Variants in MYT1L observed in about 807,000 individuals in gnomAD.
MYT1L encodes the protein myelin transcription factor 1 like.
In MYT1L, 12 loss-of-function variants were observed where a neutral mutation model predicts 126.7. The ratio of observed to expected loss-of-function variants is 0.09; its 90% CI spans 0.06 to 0.15. MYT1L has a LOEUF of 0.15. Among genes scored for constraint, MYT1L ranks in the 10% least tolerant of loss-of-function variants. The pLI is 1.00. For synonymous variants in MYT1L, 541 were observed against 604.2 expected (o/e 0.90, Z 1.53); for missense variants, 979 against 1,585.2 (o/e 0.62, Z 6.49).
At chr2:2,288,081 A>G (rs2095549136) in intron 1 of MYT1L, among the ~76,000 whole-genome samples, 1 of 152,176 alleles carries the variant, frequency 6.6e-6, no homozygotes, top group African/African-American at 2.4e-5. Context: ...ACTCTAGTTC[A>G]TTTCTAGAGA....
At chr2:2,081,717 T>TA (rs1356763177) in intron 3 of MYT1L, among the ~76,000 whole-genome samples, 2 of 152,120 alleles carry the variant, frequency 1.3e-5, no homozygotes, top group Non-Finnish European at 2.9e-5. Flanking sequence ...ATACCTTAGT[T>TA]AGTTTATTTA....
intron 3 of MYT1L, among the ~76,000 whole-genome samples, chr2:2,118,905 G>A (rs1051081667): frequency 6.6e-6 from 1 of 152,228 alleles, no homozygotes; most frequent in Non-Finnish European, 1.5e-5. Context: ...AGAATAAGGC[G>A]CCATCTCCTA....
intron 2 of MYT1L, among the ~76,000 whole-genome samples, chr2:2,262,761 C>T (rs961714563): frequency 1.3e-5 from 2 of 150,584 alleles, no homozygotes; most frequent in African/African-American, 2.4e-5. Context: ...CTGGTTGGAG[C>T]TTTTCTAGCC....
intron 3 of MYT1L, among the ~76,000 whole-genome samples, chr2:2,067,480 G>A (rs1036677607): frequency 3.9e-5 from 6 of 152,132 alleles, no homozygotes; most frequent in South Asian, 2.1e-4. Context: ...AGTGGCTCAC[G>A]CCTGTAACTC....
chr2:1,858,028 A>G (rs1040875663), intron 18 of MYT1L, among the ~76,000 whole-genome samples: 1 of 152,062 alleles, frequency 6.6e-6, no homozygotes, highest in East Asian at 1.9e-4. Flanking sequence ...ATACCCAGCT[A>G]ATCTTTTGTA....
chr2:2,311,648 C>G lies in MYT1L; in HGVS notation c.-521+19319G>C, dbSNP rs534969970. ...TTGGAGAGAAGGTCGGTCCTCCCCCCATCTCTCTTCTCAAACTATGGCTGG... is the reference window on the plus strand; with the variant it reads ...TTGGAGAGAAGGTCGGTCCTCCCCCGATCTCTCTTCTCAAACTATGGCTGG... On this transcript the variant is annotated intron_variant, in intron 1 of 24. Coordinates refer to ENST00000647738, the MANE Select transcript of MYT1L (RefSeq NM_001303052.2). 1.0e-3 allele frequency among the ~76,000 whole-genome samples: 158 copies of G among 152,258 alleles called. No individual in the cohort carries two copies. In the Middle Eastern group the frequency reaches 0.014, roughly 13 times the overall value.
rs1012723815 is a variant in MYT1L, at chr2:1,892,058, C to T, written c.2262G>A (p.Pro754=). ...GTACCCGCGTGGCGCACAGGTCCTG[C>T]GGCTTGGTGCTCAGGTTCTGCGGCA... is the stretch of plus-strand genomic sequence containing the variant. ...REMPQNLSTK[P]QDLCATRNPD... Residue 754 remains proline, a synonymous_variant, in exon 15 of 25, where the codon CCG becomes CCA. Coordinates refer to ENST00000647738, the MANE Select transcript of MYT1L (RefSeq NM_001303052.2). The T allele has an allele frequency of 8.5e-6, 13 of 1,537,416 alleles. No individual in the cohort carries two copies. The highest frequency in any genetic ancestry group is 3.6e-5 in the South Asian group (3 of 83,936).
At chr2:1,841,680 G>C (rs4464305) in intron 19 of MYT1L, 72,968 of 151,904 alleles carry the variant, frequency 0.48, 20,178 homozygotes, top group African/African-American at 0.77. Context: ...AGAGAGCGCG[G>C]GAGCGAGCGC....
At chr2:2,281,533 A>G (rs17039513) in intron 2 of MYT1L, among the ~76,000 whole-genome samples, 9,390 of 152,270 alleles carry the variant, frequency 0.062, 709 homozygotes, top group East Asian at 0.44. Context: ...GTGGTCAACA[A>G]CTGAGGCCAA....
intron 2 of MYT1L, among the ~76,000 whole-genome samples, chr2:2,262,281 G>T (rs949334384): frequency 1.3e-5 from 2 of 152,002 alleles, no homozygotes; most frequent in African/African-American, 4.8e-5. Context: ...ATCCAATTTT[G>T]CCATAATATC....
chr2:1,991,941 T>C (rs1178577661), intron 5 of MYT1L, among the ~76,000 whole-genome samples: 2 of 152,168 alleles, frequency 1.3e-5, no homozygotes, highest in Non-Finnish European at 2.9e-5. Flanking sequence ...GAGGACATCA[T>C]AGCTGCCTCT....
chr2:2,018,342 C>T (rs1296814686), intron 4 of MYT1L, among the ~76,000 whole-genome samples: 1 of 152,066 alleles, frequency 6.6e-6, no homozygotes, highest in African/African-American at 2.4e-5. Context: ...TTGGTGCATC[C>T]CAGAGCCCTC....
chr2:2,171,883 C>A (rs1408392310), intron 3 of MYT1L, among the ~76,000 whole-genome samples: 1 of 152,140 alleles, frequency 6.6e-6, no homozygotes, highest in East Asian at 1.9e-4. Flanking sequence ...TATTATCAGA[C>A]AGGCAAATGG....
intron 3 of MYT1L, among the ~76,000 whole-genome samples, chr2:2,157,643 T>C (rs1448774345): frequency 6.6e-6 from 1 of 152,186 alleles, no homozygotes; most frequent in African/African-American, 2.4e-5. Flanking sequence ...AGATGAAACA[T>C]TGAGACACGC....
At chr2:1,953,451 T>C (rs2058063773) in intron 8 of MYT1L, among the ~76,000 whole-genome samples, 1 of 152,202 alleles carries the variant, frequency 6.6e-6, no homozygotes, top group Admixed American at 6.5e-5. Context: ...TTAAGACCCA[T>C]CTCAAGTTCC....
At chr2:1,834,486 G>A (rs1179181522) in intron 21 of MYT1L, among the ~76,000 whole-genome samples, 1 of 152,182 alleles carries the variant, frequency 6.6e-6, no homozygotes, top group Non-Finnish European at 1.5e-5. Flanking sequence ...GTCAACACAT[G>A]ATGGAATATT....
intron 2 of MYT1L, among the ~76,000 whole-genome samples, chr2:2,202,021 A>G (rs1235769251): frequency 6.6e-6 from 1 of 152,196 alleles, no homozygotes; most frequent in Non-Finnish European, 1.5e-5. Flanking sequence ...CTGAATGACT[A>G]CTGGGTACAT....
chr2:1,860,871 G>C (rs924042161), intron 18 of MYT1L, among the ~76,000 whole-genome samples: 1 of 151,968 alleles, frequency 6.6e-6, no homozygotes, highest in African/African-American at 2.4e-5. Flanking sequence ...CTACTGCCTC[G>C]ACAGCACCAA....
At chr2:2,013,116 T>A (rs1285504743) in intron 4 of MYT1L, among the ~76,000 whole-genome samples, 1 of 152,128 alleles carries the variant, frequency 6.6e-6, no homozygotes, top group African/African-American at 2.4e-5. Flanking sequence ...ACACTTCCAA[T>A]GGGTGCATTT....
Sources: gnomAD v4.1 joint callset for allele counts (sites outside exome capture counted in the v4.1 genomes callset) on GRCh38, gnomAD v4.1.1 for gene constraint, MANE v1.5 for transcripts, NCBI Gene and HGNC (gene_info 2026-07-23, HGNC 2026-07-21) for gene names.